NAV3: variants seen among roughly 807,000 people sequenced by gnomAD.
The protein encoded by NAV3 is pore membrane and/or filament interacting like protein 1.
NAV3 carries 87 observed loss-of-function variants against 244.7 expected under a neutral mutation model. The observed-to-expected ratio is 0.36, with a 90% CI of 0.30 to 0.42. The LOEUF (loss-of-function observed/expected upper bound fraction) is 0.42. Among genes scored for constraint, NAV3 ranks in the 20% least tolerant of loss-of-function variants. NAV3 has a pLI of 1.00. For synonymous variants in NAV3, 1,126 were observed against 1,042.2 expected, an observed-to-expected ratio of 1.08 and a Z score of -1.55; for missense variants, 2,663 against 2,893.3, an observed-to-expected ratio of 0.92 and a Z score of 1.83.
chr12:78,070,559 TTTA>T (rs760738309), intron 12 of NAV3, among the ~76,000 whole-genome samples: 1 of 152,174 alleles, frequency 6.6e-6, no homozygotes, highest in Non-Finnish European at 1.5e-5. Flanking sequence ...ATTTCTTTTT[TTTA>T]TTATTATACT....
At chr12:77,874,995 A>G (rs1248037355) in intron 1 of NAV3, among the ~76,000 whole-genome samples, 1 of 152,166 alleles carries the variant, frequency 6.6e-6, no homozygotes, top group African/African-American at 2.4e-5. Flanking sequence ...GAATGCATTT[A>G]TTTGAGCTTA....
intron 2 of NAV3, among the ~76,000 whole-genome samples, chr12:77,679,287 G>C (rs910458398): frequency 1.3e-5 from 2 of 152,176 alleles, no homozygotes; most frequent in African/African-American, 4.8e-5. Flanking sequence ...GAAACAACAC[G>C]AAGGATAGGA....
intron 2 of NAV3, among the ~76,000 whole-genome samples, chr12:77,729,409 G>C (rs1371564238): frequency 2.0e-5 from 3 of 151,964 alleles, no homozygotes; most frequent in African/African-American, 7.2e-5. Context: ...ATAGAAGACT[G>C]AGTTCATATA....
chr12:77,791,348 C>G lies in NAV3; in HGVS notation c.73-148971C>G, dbSNP rs546164466. ...CAGCCTGGGTGACAAGAGCAAAACTCCATCTCAAAAAAAAAAAAAAAAAAA... is the reference window on the plus strand; with the variant it reads ...CAGCCTGGGTGACAAGAGCAAAACTGCATCTCAAAAAAAAAAAAAAAAAAA... On this transcript the variant is annotated intron_variant, in intron 2 of 8. Coordinates refer to the NAV3 transcript ENST00000550042. 1.3e-3 allele frequency among the ~76,000 whole-genome samples: 112 copies of G among 83,656 alleles called. 1 individual carries two copies. The highest frequency in any genetic ancestry group is 4.8e-3 in the African/African-American group (109 of 22,802). The allele number at this position is 83,656 out of a possible 152,430, so 54.9% of individuals were successfully genotyped here. A position where few individuals can be genotyped will look rare whatever the true frequency, so the allele number is the denominator to read the frequency against.
In NAV3 at chr12:77,722,610, G is replaced by A. The variant is rs539370124; in HGVS notation, c.72+150344G>A. Among the ~76,000 whole-genome samples the A allele has an allele frequency of 5.7e-4, 86 of 152,174 alleles. 2 individuals carry two copies. The South Asian group carries it at 0.017, about 30-fold the overall frequency. On this transcript the variant is annotated intron_variant, in intron 2 of 8. Transcript: ENST00000550042. Reference sequence around the variant, plus strand: ...TAAAAAATATTCTTCTACAGTCTGGGAGAAATTTTGTTAAATCATGTTATT... The same window carrying A: ...TAAAAAATATTCTTCTACAGTCTGGAAGAAATTTTGTTAAATCATGTTATT...
intron 2 of NAV3, among the ~76,000 whole-genome samples, chr12:77,778,544 A>G (rs1471430906): frequency 4.6e-5 from 7 of 151,144 alleles, no homozygotes; most frequent in African/African-American, 9.7e-5. Flanking sequence ...CTCAGGAGAC[A>G]GAGCTTGCAG....
At position 78,119,884 on chromosome 12, in the gene NAV3, G is replaced by T; in HGVS notation, c.3688G>T (p.Ala1230Ser). The change falls in exon 15 of 40, where the codon GCA becomes TCA. Residue 1230 changes from alanine to serine, a missense_variant. By Grantham distance (99) the Ala-to-Ser change is moderately conservative (BLOSUM62 1). Around this residue, in one of 6 missense-constraint regions of NAV3, gnomAD observed 1,521 missense variants for 1,497.0 expected, o/e 1.02. Coordinates refer to ENST00000397909, the MANE Select transcript of NAV3 (RefSeq NM_001024383.2). Reference protein sequence around the residue: ...SSPTSASACGAQGLRQPGSKY... With the variant: ...SSPTSASACGSQGLRQPGSKY... ...CCCCACCTCTGCCAGCGCCTGTGGTGCACAAGGTCTCAGGCAGCCAGGATC... is the reference window on the plus strand; with the variant it reads ...CCCCACCTCTGCCAGCGCCTGTGGTTCACAAGGTCTCAGGCAGCCAGGATC... 1 of 1,614,136 alleles carries T rather than the reference G, an allele frequency of 6.2e-7. No homozygotes were observed. The highest frequency in any genetic ancestry group is 2.2e-5 in the East Asian group (1 of 44,882).
rs770353482 is a variant in NAV3 at position 78,186,350 on chromosome 12, A to C, written c.5790+652A>C. Among the ~76,000 whole-genome samples the C allele has an allele frequency of 2.0e-4, 30 of 152,052 alleles. No individual in the cohort carries two copies. The Middle Eastern group carries it at 0.01, about 52-fold the overall frequency. On this transcript the variant is annotated intron_variant, in intron 31 of 39. Coordinates refer to ENST00000397909, the MANE Select transcript of NAV3 (RefSeq NM_001024383.2). ...AAATTTCTAAGTATCCAATTTTTTTACATCAAGCAAATAAAAATTCTTTAG... is the reference window on the plus strand; with the variant it reads ...AAATTTCTAAGTATCCAATTTTTTTCCATCAAGCAAATAAAAATTCTTTAG...
At chr12:77,677,823 C>G (rs74751749) in intron 2 of NAV3, among the ~76,000 whole-genome samples, 1 of 152,080 alleles carries the variant, frequency 6.6e-6, no homozygotes, top group Non-Finnish European at 1.5e-5. Flanking sequence ...AAATACATTG[C>G]GCTGTTCAAA....
At chr12:78,128,277 A>C (rs1956010424) in intron 17 of NAV3, among the ~76,000 whole-genome samples, 1 of 151,508 alleles carries the variant, frequency 6.6e-6, no homozygotes. Context: ...TAAAAAAAAA[A>C]AAAAACAAAA....
At chr12:77,921,914 T>A (rs182415584) in intron 1 of NAV3, among the ~76,000 whole-genome samples, 1 of 152,218 alleles carries the variant, frequency 6.6e-6, no homozygotes, top group East Asian at 1.9e-4. Context: ...ACGTGTAATA[T>A]AACAATGCCC....
At chr12:77,699,976 C>G (rs1875488936) in intron 2 of NAV3, among the ~76,000 whole-genome samples, 1 of 152,016 alleles carries the variant, frequency 6.6e-6, no homozygotes, top group Non-Finnish European at 1.5e-5. Flanking sequence ...AAATTCTGAC[C>G]CAGCCAGTTT....
Position 77,811,173 on chromosome 12 carries a change from A to G in NAV3, c.73-129146A>G, listed in dbSNP as rs1872268255. On this transcript the variant is annotated intron_variant, in intron 2 of 8. Coordinates refer to the NAV3 transcript ENST00000550042. ...TACAGGTAGTAGTGCCACTTTCTCT[A>G]TATTCAATTCTTCATCATCTACTCC... Among the ~76,000 whole-genome samples the G allele has an allele frequency of 2.6e-5, 4 of 152,218 alleles. No homozygotes were observed. In the South Asian group the frequency reaches 6.2e-4, roughly 24 times the overall value.
chr12:78,160,722 A>G (rs1182643899), intron 23 of NAV3, among the ~76,000 whole-genome samples: 2 of 152,072 alleles, frequency 1.3e-5, no homozygotes, highest in South Asian at 2.1e-4. Context: ...TATTATTAGC[A>G]CATTGTATTC....
At chr12:77,818,622 T>C (rs116932048) in intron 2 of NAV3, among the ~76,000 whole-genome samples, 1 of 152,156 alleles carries the variant, frequency 6.6e-6, no homozygotes, top group Non-Finnish European at 1.5e-5. Flanking sequence ...CATGTAAATG[T>C]TAGGGAAGTC....
At chr12:78,083,523 T>C (rs1266063382) in intron 12 of NAV3, among the ~76,000 whole-genome samples, 1 of 152,210 alleles carries the variant, frequency 6.6e-6, no homozygotes, top group African/African-American at 2.4e-5. Context: ...CTAACACTAC[T>C]GTTATTTTAA....
chr12:78,113,381 C>G (rs543914482), intron 12 of NAV3, among the ~76,000 whole-genome samples: 29 of 152,330 alleles, frequency 1.9e-4, no homozygotes, highest in Middle Eastern at 6.8e-3. Flanking sequence ...CATGAGGGCT[C>G]CACCGCTGCA....
intron 9 of NAV3, among the ~76,000 whole-genome samples, chr12:78,024,844 G>A (rs996020671): frequency 3.6e-4 from 54 of 151,118 alleles, no homozygotes; most frequent in African/African-American, 1.1e-3. Flanking sequence ...GCATGGTGGC[G>A]GGCGCCTGTA....
At chr12:77,632,997 G>C (rs1221928388) in intron 2 of NAV3, among the ~76,000 whole-genome samples, 1 of 151,990 alleles carries the variant, frequency 6.6e-6, no homozygotes, top group Non-Finnish European at 1.5e-5. Context: ...TATTTTTCAA[G>C]ATATTTGCAA....
Sources: gnomAD v4.1 joint callset for allele counts (sites outside exome capture counted in the v4.1 genomes callset) on GRCh38, gnomAD v4.1.1 for gene constraint, gnomAD v4.1.1 regional missense constraint, MANE v1.5 for transcripts, NCBI Gene and HGNC (gene_info 2026-07-23, HGNC 2026-07-21) for gene names.